Variants in NBPF15 observed in about 807,000 individuals in gnomAD.
The protein encoded by NBPF15 is NBPF member 15, also known as NBPF family member NBPF15.
A neutral mutation model predicts 62.2 loss-of-function variants in NBPF15; 74 were observed. That is an observed-to-expected ratio of 1.19 (90% CI 0.99 to 1.44). The LOEUF is 1.44. Among genes scored for constraint, NBPF15 ranks in the 40% most tolerant of loss-of-function variants. NBPF15 has a pLI of 0.00. For missense variants in NBPF15, 790 were observed against 550.0 expected (o/e 1.44, Z -4.36); for synonymous variants, 244 against 209.7 (o/e 1.16, Z -1.41).
chr1:144,446,064 A>C (rs587764263), intron 6 of NBPF15, among the ~76,000 whole-genome samples: 37 of 150,854 alleles, frequency 2.5e-4, no homozygotes, highest in African/African-American at 8.6e-4. Flanking sequence ...ACTGTTAGGC[A>C]TGATGGTCTC....
chr1:144,424,032 C>T (rs1235558666), intron 20 of NBPF15, 57 bp from the exon 21 acceptor site: 1 of 760,560 alleles, frequency 1.3e-6, no homozygotes, highest in Non-Finnish European at 2.4e-6. Context: ...ACACATATAA[C>T]AATCCACTGT....
At chr1:144,447,522 A>G (rs1358441813) in intron 6 of NBPF15, among the ~76,000 whole-genome samples, 2 of 151,844 alleles carry the variant, frequency 1.3e-5, no homozygotes, top group Admixed American at 6.6e-5. Flanking sequence ...GTGTGCACAC[A>G]GGGGAGCCAG....
In NBPF15 at chr1:144,422,872, G is replaced by T; in HGVS notation, c.*141C>A. ...TTGAGCACAGGTTGCCAATGGCATG[G>T]TTTGAGAATAGGAATAGAGCCATGC... On this transcript the variant is annotated 3_prime_UTR_variant, in exon 22 of 22. Coordinates refer to ENST00000581897, the MANE Select transcript of NBPF15 (RefSeq NM_001385408.1). 1.3e-6 allele frequency: 2 copies of T among 1,584,112 alleles called. No individual in the cohort carries two copies. The highest frequency in any genetic ancestry group is 1.7e-6 in the Non-Finnish European group (2 of 1,166,830).
At position 144,440,015 on chromosome 1, in the gene NBPF15, T is replaced by C; in HGVS notation, c.-12A>G. 1 of 1,606,492 alleles carries C rather than the reference T, an allele frequency of 6.2e-7. No homozygotes were observed. The highest frequency in any genetic ancestry group is 8.5e-7 in the Non-Finnish European group (1 of 1,174,832). On this transcript the variant is annotated 5_prime_UTR_variant, in exon 8 of 22. Transcript: ENST00000581897. ...GCTGATACCACCATGCTGACGTTTGTGGCAGAAGAGGTGGAGTCAGGGACT... is the reference window on the plus strand; with the variant it reads ...GCTGATACCACCATGCTGACGTTTGCGGCAGAAGAGGTGGAGTCAGGGACT...
intron 20 of NBPF15, among the ~76,000 whole-genome samples, chr1:144,424,232 G>T (rs1222509789): frequency 6.6e-6 from 1 of 151,958 alleles, no homozygotes; most frequent in Non-Finnish European, 1.5e-5. Flanking sequence ...TGTGCAAACA[G>T]TTATGCCATA....
chr1:144,427,292 TA>T (rs1670450738), intron 16 of NBPF15, among the ~76,000 whole-genome samples, 194 bp from the exon 17 acceptor site: 1 of 139,452 alleles, frequency 7.2e-6, no homozygotes, highest in Non-Finnish European at 1.5e-5. Context: ...AAACTGTGGG[TA>T]AAATTCCCTA....
chr1:144,436,243 TC>T (rs1678227214), intron 10 of NBPF15, among the ~76,000 whole-genome samples: 1 of 151,998 alleles, frequency 6.6e-6, no homozygotes, highest in Admixed American at 6.6e-5. Flanking sequence ...GACAAACTTG[TC>T]CCACAGTCCT....
chr1:144,429,363 A>T (rs1463614316), intron 14 of NBPF15, among the ~76,000 whole-genome samples: 2 of 151,178 alleles, frequency 1.3e-5, no homozygotes, highest in Non-Finnish European at 2.9e-5. Flanking sequence ...GGCAAGAGAC[A>T]TTTAATTCAG....
chr1:144,439,300 T>C (rs1681071829), intron 8 of NBPF15, among the ~76,000 whole-genome samples: 1 of 151,972 alleles, frequency 6.6e-6, no homozygotes, highest in Non-Finnish European at 1.5e-5. Flanking sequence ...CTGCTCTTGA[T>C]GCTGTCACTT....
At chr1:144,451,466 A>G (rs1447536630) in intron 4 of NBPF15, among the ~76,000 whole-genome samples, 1 of 151,270 alleles carries the variant, frequency 6.6e-6, no homozygotes, top group Non-Finnish European at 1.5e-5. Context: ...GGGCTGGGGG[A>G]CAGTCAGGTC....
At position 144,423,271 on chromosome 1, in the gene NBPF15, A is replaced by G; in HGVS notation, c.1770-15T>C. On this transcript the variant is annotated splice_polypyrimidine_tract_variant and intron_variant, in intron 21 of 21. Transcript: ENST00000581897. ...CGCCGTAGAGCCTGGAAAAGGAGACAAAACTAAAGAAGCAGCCAGGGAAAA... is the reference window on the plus strand; with the variant it reads ...CGCCGTAGAGCCTGGAAAAGGAGACGAAACTAAAGAAGCAGCCAGGGAAAA... 1 of 1,611,554 alleles carries G rather than the reference A, an allele frequency of 6.2e-7. No individual in the cohort carries two copies. Among genetic ancestry groups the G allele is most frequent in the Non-Finnish European group, 8.5e-7 (1 of 1,179,582 alleles).
intron 3 of NBPF15, among the ~76,000 whole-genome samples, chr1:144,458,749 G>A (rs1161794332): frequency 6.6e-6 from 1 of 151,978 alleles, no homozygotes; most frequent in Non-Finnish European, 1.5e-5. Flanking sequence ...GTAGTAAAAA[G>A]TGAATCATAG....
intron 3 of NBPF15, among the ~76,000 whole-genome samples, chr1:144,458,119 C>T (rs1411836980): frequency 6.6e-6 from 1 of 151,914 alleles, no homozygotes; most frequent in Non-Finnish European, 1.5e-5. Context: ...CGATGTAGTC[C>T]TAAAACTATT....
At chr1:144,445,332 A>AATAT (rs1246556657) in intron 6 of NBPF15, among the ~76,000 whole-genome samples, 9,475 of 92,236 alleles carry the variant, frequency 0.1, 708 homozygotes, top group Middle Eastern at 0.2. Flanking sequence ...CAAAACGGTG[A>AATAT]ATATATATAT....
Position 144,432,036 on chromosome 1 carries a change from T to C in NBPF15, c.824+1737A>G, listed in dbSNP as rs1283161013. 3.6e-4 allele frequency among the ~76,000 whole-genome samples: 54 copies of C among 152,100 alleles called. 3 individuals carry two copies. The highest frequency in any genetic ancestry group is 6.8e-3 in the Middle Eastern group (2 of 294). On this transcript the variant is annotated intron_variant, in intron 13 of 21. Transcript: ENST00000581897. ...AATGGGATGGCTGGGTCAAATAGTA[T>C]TTCTAGTTCTAGATCCCTGAGGAAT...
chr1:144,423,759 A>T, intron 21 of NBPF15, 111 bp downstream of exon 21: 1 of 706,488 alleles, frequency 1.4e-6, no homozygotes, highest in South Asian at 1.6e-5. Flanking sequence ...TGACAGTAGG[A>T]GTAATTCAGC....
intron 13 of NBPF15, among the ~76,000 whole-genome samples, chr1:144,433,016 C>G (rs1210380077): frequency 8.6e-5 from 13 of 151,872 alleles, no homozygotes; most frequent in South Asian, 2.1e-4. Flanking sequence ...TTCTCAGCAC[C>G]ACATCACACT....
intron 20 of NBPF15, among the ~76,000 whole-genome samples, chr1:144,424,194 G>T (rs781958882): frequency 1.3e-5 from 2 of 151,948 alleles, no homozygotes; most frequent in Non-Finnish European, 1.5e-5. Context: ...CTAGTAGATC[G>T]TTATCCCAAT....
intron 12 of NBPF15, among the ~76,000 whole-genome samples, chr1:144,434,500 C>CAAAAA (rs1209074766): frequency 3.3e-5 from 2 of 61,010 alleles, no homozygotes; most frequent in South Asian, 6.1e-4. Flanking sequence ...GACTCCATCG[C>CAAAAA]AAAAAAAAAA....
Sources: gnomAD v4.1 joint callset for allele counts (sites outside exome capture counted in the v4.1 genomes callset) on GRCh38, gnomAD v4.1.1 for gene constraint, MANE v1.5 for transcripts, NCBI Gene and HGNC (gene_info 2026-07-23, HGNC 2026-07-21) for gene names.